The following ARHGAP8 variants were observed in gnomAD, a reference collection of about 807,000 sequenced individuals.
The protein encoded by ARHGAP8 is Rho GTPase activating protein 8.
A neutral mutation model predicts 46.1 loss-of-function variants in ARHGAP8; 62 were observed. The observed-to-expected ratio is 1.34, with a 90% confidence interval of 1.10 to 1.66. ARHGAP8 has a LOEUF of 1.66. Ranked by LOEUF, ARHGAP8 falls within the 40% of genes most tolerant of loss-of-function variation. The pLI is 0.00. For synonymous variants in ARHGAP8, 375 were observed against 243.1 expected (o/e 1.54, Z -5.05); for missense variants, 923 against 568.4 (o/e 1.62, Z -6.34).
At chr22:44,846,011 G>GCC (rs3216833) in intron 8 of ARHGAP8, among the ~76,000 whole-genome samples, 12 of 151,222 alleles carry the variant, frequency 7.9e-5, no homozygotes, top group African/African-American at 2.4e-4. Context: ...AGAAGTGAGT[G>GCC]CCCCCCCCCA....
chr22:44,825,261 G>A (rs1381155905), intron 6 of ARHGAP8, among the ~76,000 whole-genome samples: 4 of 152,064 alleles, frequency 2.6e-5, no homozygotes, highest in African/African-American at 4.8e-5. Flanking sequence ...CTGGACATTT[G>A]CTGGAGGTTG....
At chr22:44,843,267 C>T (rs1931768325) in intron 7 of ARHGAP8, among the ~76,000 whole-genome samples, 1 of 152,074 alleles carries the variant, frequency 6.6e-6, no homozygotes, top group Admixed American at 6.6e-5. Context: ...TTCAGATAAA[C>T]CAAAGCTGAG....
chr22:44,845,195 A>T (rs2069922933), intron 7 of ARHGAP8, 74 bp from the exon 8 acceptor site: 3 of 1,576,254 alleles, frequency 1.9e-6, no homozygotes, highest in East Asian at 2.2e-5. Flanking sequence ...TGTGGAGAGG[A>T]CCAGCGCCTC....
chr22:44,857,626 A>G (rs919087967), intron 10 of ARHGAP8, among the ~76,000 whole-genome samples: 2 of 152,258 alleles, frequency 1.3e-5, no homozygotes, highest in Non-Finnish European at 2.9e-5. Flanking sequence ...CTAGGGGGAC[A>G]TGCCATCTTC....
chr22:44,842,657 G>A (rs1931731289), intron 7 of ARHGAP8, among the ~76,000 whole-genome samples: 1 of 152,176 alleles, frequency 6.6e-6, no homozygotes, highest in South Asian at 2.1e-4. Context: ...TCAGCTGGAG[G>A]TGAGGGCCAG....
In ARHGAP8 at chr22:44,847,974, C is replaced by G. The variant is rs776120845; in HGVS notation, c.672C>G (p.Gly224=). 3 of 1,607,240 alleles carry G rather than the reference C, an allele frequency of 1.9e-6. No individual in the cohort carries two copies. The highest frequency in any genetic ancestry group is 1.1e-5 in the South Asian group (1 of 91,080). ...RFTVTYLREK[G]LRTEGLFRRS... ...TGCCTGGAAGCTCCTCTCCTGCAGG[C>G]CTGCGCACCGAGGGCCTGTTCCGGA... The change falls in exon 9 of 12, where the codon GGC becomes GGG. Residue 224 remains glycine (G), a splice_region_variant and synonymous_variant. Coordinates refer to ENST00000356099, the MANE Select transcript of ARHGAP8 (RefSeq NM_181335.3).
At chr22:44,755,727 C>G (rs191770299) in intron 1 of ARHGAP8, among the ~76,000 whole-genome samples, 2 of 152,314 alleles carry the variant, frequency 1.3e-5, no homozygotes, top group African/African-American at 4.8e-5. Context: ...CCCCCATTTT[C>G]TCACCTCTCA....
At chr22:44,838,431 C>T (rs376021420) in intron 7 of ARHGAP8, among the ~76,000 whole-genome samples, 9 of 152,214 alleles carry the variant, frequency 5.9e-5, no homozygotes, top group Non-Finnish European at 1.3e-4. Context: ...CCACCGTACC[C>T]GGCCTTAATT....
intron 4 of ARHGAP8, chr22:44,809,081 A>C: frequency 2.1e-6 from 1 of 467,494 alleles, no homozygotes; most frequent in Non-Finnish European, 4.4e-6. Flanking sequence ...TCAGCCTCCC[A>C]AAGTACTGGG....
At chr22:44,846,018 C>T (rs1043612730) in intron 8 of ARHGAP8, among the ~76,000 whole-genome samples, 8 of 152,192 alleles carry the variant, frequency 5.3e-5, no homozygotes, top group Admixed American at 1.3e-4. Flanking sequence ...AGTGCCCCCC[C>T]CCATCCCCAC....
At chr22:44,809,178 C>T in intron 4 of ARHGAP8, 2 of 471,020 alleles carry the variant, frequency 4.2e-6, no homozygotes, top group Non-Finnish European at 4.4e-6. Flanking sequence ...AGGCCTGTTG[C>T]TCTATTGCAA....
chr22:44,816,189 A>T (rs535664198), intron 5 of ARHGAP8, among the ~76,000 whole-genome samples: 2 of 152,206 alleles, frequency 1.3e-5, no homozygotes, highest in African/African-American at 4.8e-5. Context: ...TGCTGCTGAC[A>T]CAGGTCTCTT....
chr22:44,814,878 C>G, intron 5 of ARHGAP8, 120 bp downstream of exon 5: 2 of 1,184,770 alleles, frequency 1.7e-6, no homozygotes, highest in South Asian at 2.9e-5. Flanking sequence ...GCCTGTGTAT[C>G]TGGGGCTCCC....
chr22:44,862,640 CTG>C lies in ARHGAP8; in HGVS notation c.*48_*49del. The stretch of plus-strand genomic sequence containing the variant: ...ATTTCGAGCTACCTCCCACACCTGT[CTG>C]TGCACTTGTATGTTTTGTAAACTTG... On this transcript the variant is annotated 3_prime_UTR_variant, in exon 12 of 12. Coordinates refer to ENST00000356099, the MANE Select transcript of ARHGAP8 (RefSeq NM_181335.3). 1.3e-6 allele frequency: 2 copies of C among 1,513,574 alleles called. No homozygotes were observed. The highest frequency in any genetic ancestry group is 8.9e-7 in the Non-Finnish European group (1 of 1,128,624). The allele number at this position is 1,513,574 out of a possible 1,614,324, so 93.8% of individuals were successfully genotyped here.
At chr22:44,763,045 A>G (rs560466007) in intron 1 of ARHGAP8, among the ~76,000 whole-genome samples, 6 of 152,318 alleles carry the variant, frequency 3.9e-5, no homozygotes, top group Admixed American at 1.3e-4. Flanking sequence ...GATTTATCCA[A>G]TGACGCCTAC....
chr22:44,762,658 C>T (rs1925228376), intron 1 of ARHGAP8, among the ~76,000 whole-genome samples: 1 of 151,650 alleles, frequency 6.6e-6, no homozygotes, highest in African/African-American at 2.4e-5. Flanking sequence ...ATTCTCCTGC[C>T]TCAGCCTTCT....
intron 7 of ARHGAP8, among the ~76,000 whole-genome samples, chr22:44,835,273 G>A (rs906675806): frequency 4.0e-5 from 6 of 150,506 alleles, no homozygotes; most frequent in Non-Finnish European, 8.8e-5. Context: ...CTCAATTGTT[G>A]CCTTAGGGAT....
At chr22:44,791,467 GA>G (rs1927683136) in intron 2 of ARHGAP8, among the ~76,000 whole-genome samples, 1 of 152,124 alleles carries the variant, frequency 6.6e-6, no homozygotes. Context: ...ACTTTGGGGG[GA>G]TGAGTCAGGT....
intron 6 of ARHGAP8, among the ~76,000 whole-genome samples, chr22:44,824,629 CTTTTCTT>C (rs1431790302): frequency 1.1e-4 from 12 of 108,740 alleles, no homozygotes; most frequent in African/African-American, 1.8e-4. Context: ...CTTTCTTCTT[CTTTTCTT>C]TTTTTTTTTT....
Sources: allele counts gnomAD v4.1 joint callset (sites outside exome capture counted in the v4.1 genomes callset), GRCh38; gene constraint gnomAD v4.1.1; transcripts MANE v1.5; gene names NCBI Gene and HGNC (gene_info 2026-07-23, HGNC 2026-07-21).